The following PSPH variants were observed in gnomAD, a reference collection of about 807,000 sequenced individuals.
PSPH encodes the protein phosphoserine phosphatase, also known as L-3-phosphoserine phosphatase.
A neutral mutation model predicts 23.4 loss-of-function variants in PSPH; 16 were observed. The ratio of observed to expected loss-of-function variants is 0.68; its 90% CI spans 0.46 to 1.04. The LOEUF (loss-of-function observed/expected upper bound fraction) is 1.04. Ranked by LOEUF, PSPH falls within the 50% of genes least tolerant of loss-of-function variation. PSPH has a pLI of 0.00. For synonymous variants in PSPH, 68 were observed against 99.7 expected (o/e 0.68, Z 1.89); for missense variants, 223 against 273.7 (o/e 0.81, Z 1.31).
intron 3 of PSPH, among the ~76,000 whole-genome samples, chr7:56,022,137 G>A (rs996401966): frequency 6.6e-6 from 1 of 151,934 alleles, no homozygotes; most frequent in Non-Finnish European, 1.5e-5. Flanking sequence ...AGACCAGCGT[G>A]GGCAACATAG....
Position 56,021,081 on chromosome 7 carries a change from C to T in PSPH, c.132G>A (p.Val44=), listed in dbSNP as rs1368862264. ...LAKICGVEDA[V]SEMTRRAMGG... ...ATAAATGCTATCCCTACATTTCTGA[C>T]ACCGCGTCCTCAACGCCACAGATTT... The change falls in exon 4 of 8, where the codon GTG becomes GTA. Residue 44 remains valine (V), a synonymous_variant. Transcript: ENST00000275605. 2 of 1,613,890 alleles carry T rather than the reference C, an allele frequency of 1.2e-6. No individual in the cohort carries two copies. Among genetic ancestry groups the T allele is most frequent in the African/African-American group, 2.7e-5 (2 of 74,840 alleles).
At chr7:56,045,129 TTCAG>T (rs984748573) in intron 1 of PSPH, among the ~76,000 whole-genome samples, 2 of 151,388 alleles carry the variant, frequency 1.3e-5, no homozygotes, top group South Asian at 2.1e-4. Flanking sequence ...AATTCATTCA[TTCAG>T]TCAGTCATTC....
chr7:56,024,508 G>T (rs1298737535), intron 3 of PSPH, among the ~76,000 whole-genome samples: 5 of 152,144 alleles, frequency 3.3e-5, no homozygotes. Context: ...CACTTTGGGA[G>T]GCTGAGGTGG....
chr7:56,038,575 T>G (rs571583839), intron 1 of PSPH, among the ~76,000 whole-genome samples: 1 of 151,532 alleles, frequency 6.6e-6, no homozygotes, highest in Non-Finnish European at 1.5e-5. Context: ...TGCCTCATGC[T>G]TCTAATCCTA....
chr7:56,049,378 A>C (rs916679290), intron 1 of PSPH, among the ~76,000 whole-genome samples: 7 of 152,036 alleles, frequency 4.6e-5, no homozygotes, highest in African/African-American at 1.7e-4. Context: ...CTTCTTATAC[A>C]TGTTATTTAA....
chr7:56,043,417 C>T (rs1327487281), intron 1 of PSPH, among the ~76,000 whole-genome samples: 1 of 152,084 alleles, frequency 6.6e-6, no homozygotes, highest in Admixed American at 6.6e-5. Flanking sequence ...ACTAGGTAGG[C>T]TGAGGTAGGA....
At chr7:56,022,970 ACT>A (rs1185439129) in intron 3 of PSPH, among the ~76,000 whole-genome samples, 1 of 151,786 alleles carries the variant, frequency 6.6e-6, no homozygotes, top group Non-Finnish European at 1.5e-5. Context: ...GAGGCAGGAG[ACT>A]CTCTTGAACC....
intron 3 of PSPH, among the ~76,000 whole-genome samples, chr7:56,031,654 C>T (rs1353413383): frequency 6.6e-6 from 1 of 151,902 alleles, no homozygotes; most frequent in Non-Finnish European, 1.5e-5. Context: ...CTCTACTAAA[C>T]ATACGAAAAT....
At chr7:56,016,794 C>G (rs561906679) in intron 6 of PSPH, among the ~76,000 whole-genome samples, 1 of 151,932 alleles carries the variant, frequency 6.6e-6, no homozygotes, top group East Asian at 1.9e-4. Context: ...CCAGGCTGGT[C>G]TTGAACTCCT....
intron 7 of PSPH, among the ~76,000 whole-genome samples, chr7:56,013,551 A>G (rs1264578382): frequency 6.6e-6 from 1 of 151,822 alleles, no homozygotes; most frequent in Admixed American, 6.6e-5. Flanking sequence ...TCAGAAAATG[A>G]CATTAATTCA....
At chr7:56,025,258 T>C (rs995181978) in intron 3 of PSPH, among the ~76,000 whole-genome samples, 2 of 151,794 alleles carry the variant, frequency 1.3e-5, no homozygotes, top group Non-Finnish European at 1.5e-5. Flanking sequence ...CACATGCACA[T>C]GCACACACAT....
intron 3 of PSPH, among the ~76,000 whole-genome samples, chr7:56,030,834 G>A (rs1053803347): frequency 1.3e-5 from 2 of 151,254 alleles, no homozygotes; most frequent in African/African-American, 4.9e-5. Flanking sequence ...TGGAGGTGGA[G>A]GTTGCAGTGA....
In PSPH at chr7:56,011,772, A is replaced by G; in HGVS notation, c.668T>C (p.Leu223Pro). The G allele has an allele frequency of 6.2e-7, 1 of 1,611,006 alleles. No individual in the cohort carries two copies. Among genetic ancestry groups the G allele is most frequent in the Non-Finnish European group, 8.5e-7 (1 of 1,177,226 alleles). ...GTACGACAATGGATGTTATTCTTCC[A>G]GTTCTCCCAGCAGCTCTACAAAATC... ...ITDFVELLGE[L>P]EE The change falls in exon 8 of 8, where the codon CTG becomes CCG. Residue 223 changes from leucine (L) to proline (P), a missense_variant. Leu to Pro is a moderately conservative substitution (Grantham distance 98). Transcript: ENST00000275605.
At chr7:56,019,346 G>A (rs189887012) in intron 5 of PSPH, among the ~76,000 whole-genome samples, 24 of 151,952 alleles carry the variant, frequency 1.6e-4, no homozygotes, top group African/African-American at 5.3e-4. Context: ...GGCTGAGGCA[G>A]GAGAATTGCA....
At chr7:56,048,313 G>A (rs1793525698) in intron 1 of PSPH, among the ~76,000 whole-genome samples, 2 of 150,452 alleles carry the variant, frequency 1.3e-5, no homozygotes, top group South Asian at 2.1e-4. Context: ...AAAATCATAA[G>A]GAAACATCAA....
At chr7:56,016,395 C>A (rs1788563349) in intron 6 of PSPH, among the ~76,000 whole-genome samples, 1 of 121,460 alleles carries the variant, frequency 8.2e-6, no homozygotes, top group Admixed American at 8.8e-5. Flanking sequence ...TAGAGTGAGA[C>A]CCTGTCTCAA....
intron 1 of PSPH, among the ~76,000 whole-genome samples, chr7:56,037,403 C>T (rs1036051437): frequency 2.0e-5 from 3 of 150,918 alleles, no homozygotes; most frequent in Middle Eastern, 3.5e-3. Context: ...ACTACTGTTC[C>T]GGAAAGGTTT....
chr7:56,015,315 A>C, intron 6 of PSPH, 144 bp from the exon 7 acceptor site: 1 of 811,736 alleles, frequency 1.2e-6, no homozygotes, highest in Non-Finnish European at 2.1e-6. Context: ...CTGGAGCTCC[A>C]CACCTGTTCC....
chr7:56,038,414 G>A (rs1416354022), intron 1 of PSPH, among the ~76,000 whole-genome samples: 1 of 151,930 alleles, frequency 6.6e-6, no homozygotes, highest in African/African-American at 2.4e-5. Flanking sequence ...AGCGGAGATC[G>A]CGCCACTGCA....
Sources: allele counts gnomAD v4.1 joint callset (sites outside exome capture counted in the v4.1 genomes callset), GRCh38; gene constraint gnomAD v4.1.1; transcripts MANE v1.5; gene names NCBI Gene and HGNC (gene_info 2026-07-23, HGNC 2026-07-21).